The following NLGN1 variants were observed in gnomAD, a reference collection of about 807,000 sequenced individuals.
NLGN1 encodes neuroligin 1.
NLGN1 carries 12 observed loss-of-function variants against 65.5 expected under a neutral mutation model. The ratio of observed to expected loss-of-function variants is 0.18; its 90% confidence interval spans 0.12 to 0.30. The LOEUF is 0.30. Among genes scored for constraint, NLGN1 ranks in the 10% least tolerant of loss-of-function variants. The probability of loss-of-function intolerance (pLI) is 1.00; values close to 1 mark genes in which losing one functional copy is unlikely to be tolerated. For missense variants in NLGN1, 750 were observed against 1,007.1 expected (o/e 0.74, Z 3.46); for synonymous variants, 350 against 359.5 (o/e 0.97, Z 0.30).
At position 173,829,263 on chromosome 3, in the gene NLGN1, G is replaced by T. The variant is rs538445164; in HGVS notation, c.646+21431G>T. 7.2e-5 allele frequency among the ~76,000 whole-genome samples: 11 copies of T among 152,196 alleles called. No individual in the cohort carries two copies. In the East Asian group the frequency reaches 2.1e-3, roughly 29 times the overall value. ...CATCCAGTTAGGGTAGATTAAATTTGAAATGCCTATTAAGTATCAAACTGG... is the reference window on the plus strand; with the variant it reads ...CATCCAGTTAGGGTAGATTAAATTTTAAATGCCTATTAAGTATCAAACTGG... On this transcript the variant is annotated intron_variant, in intron 4 of 6. Coordinates refer to ENST00000457714, the Ensembl canonical transcript of NLGN1.
chr3:173,674,793 A>G (rs543467758), intron 3 of NLGN1, among the ~76,000 whole-genome samples: 71 of 152,210 alleles, frequency 4.7e-4, no homozygotes, highest in Non-Finnish European at 9.4e-4. Context: ...GAGAGAGCTT[A>G]GAGAGTCCCA....
intron 4 of NLGN1, among the ~76,000 whole-genome samples, chr3:173,935,392 A>G (rs1171811217): frequency 3.3e-5 from 5 of 152,014 alleles, no homozygotes; most frequent in Admixed American, 6.6e-5. Flanking sequence ...AATAAAGTCT[A>G]ATCTAAAACT....
At chr3:174,200,070 G>A (rs1295614945) in intron 4 of NLGN1, among the ~76,000 whole-genome samples, 2 of 152,136 alleles carry the variant, frequency 1.3e-5, no homozygotes, top group Non-Finnish European at 2.9e-5. Flanking sequence ...GTGGGATGCT[G>A]GGGTCTAATA....
intron 4 of NLGN1, among the ~76,000 whole-genome samples, chr3:174,054,574 T>C (rs1046264041): frequency 1.1e-4 from 16 of 152,134 alleles, no homozygotes; most frequent in Admixed American, 8.5e-4. Context: ...TTTCAAATTG[T>C]GTGGAAGAAT....
At chr3:173,691,894 A>T (rs936045226) in intron 3 of NLGN1, among the ~76,000 whole-genome samples, 5 of 152,154 alleles carry the variant, frequency 3.3e-5, no homozygotes, top group Non-Finnish European at 5.9e-5. Context: ...CTGAGAATAC[A>T]CATTAAATTC....
At position 174,028,083 on chromosome 3, in the gene NLGN1, G is replaced by A. The variant is rs114677977; in HGVS notation, c.646+220251G>A. On this transcript the variant is annotated intron_variant, in intron 4 of 6. Transcript: ENST00000457714. ...TCCTCATTCATCTTCTGTTATGATT[G>A]TGAGGTCTCCCCAGCCATGTTTAAC... Among the ~76,000 whole-genome samples the A allele has an allele frequency of 6.2e-3, 937 of 152,260 alleles. 12 individuals carry two copies. The highest frequency in any genetic ancestry group is 0.021 in the African/African-American group (879 of 41,548).
chr3:173,561,161 C>T (rs1742668693), intron 2 of NLGN1, among the ~76,000 whole-genome samples: 1 of 152,192 alleles, frequency 6.6e-6, no homozygotes, highest in South Asian at 2.1e-4. Context: ...CATTACTTGG[C>T]AGGAACTTCC....
chr3:174,064,957 T>TA (rs1290885931), intron 4 of NLGN1, among the ~76,000 whole-genome samples: 1 of 151,420 alleles, frequency 6.6e-6, no homozygotes, highest in Admixed American at 6.6e-5. Flanking sequence ...TATAAAACAT[T>TA]AAAAAATATC....
rs182519031 is a variant in NLGN1 at position 173,942,239 on chromosome 3, A to G, written c.646+134407A>G. On this transcript the variant is annotated intron_variant, in intron 4 of 6. Coordinates refer to ENST00000457714, the Ensembl canonical transcript of NLGN1. Reference sequence around the variant, plus strand: ...GTGAAGCACTGCCTATATTCTGGGCATCTTATAATAATTGCTGTACTGTTT... The same window carrying G: ...GTGAAGCACTGCCTATATTCTGGGCGTCTTATAATAATTGCTGTACTGTTT... Among the ~76,000 whole-genome samples the G allele has an allele frequency of 5.9e-5, 9 of 152,046 alleles. No individual in the cohort carries two copies. In the East Asian group the frequency reaches 1.5e-3, roughly 26 times the overall value.
chr3:173,729,865 A>G (rs903585975), intron 3 of NLGN1, among the ~76,000 whole-genome samples: 3 of 152,008 alleles, frequency 2.0e-5, no homozygotes, highest in Non-Finnish European at 4.4e-5. Flanking sequence ...CAATTTCCAT[A>G]TTCTGTCAAA....
intron 4 of NLGN1, among the ~76,000 whole-genome samples, chr3:174,086,776 A>G (rs1576798111): frequency 6.6e-6 from 1 of 152,100 alleles, no homozygotes; most frequent in African/African-American, 2.4e-5. Flanking sequence ...ATAATATGTA[A>G]CATTTATTTT....
intron 2 of NLGN1, among the ~76,000 whole-genome samples, chr3:173,553,175 A>C (rs1219080655): frequency 6.6e-6 from 1 of 152,134 alleles, no homozygotes; most frequent in Non-Finnish European, 1.5e-5. Flanking sequence ...TTCCCAAACT[A>C]TGGGATCACC....
At chr3:173,670,781 G>A (rs1236322395) in intron 3 of NLGN1, among the ~76,000 whole-genome samples, 2 of 152,110 alleles carry the variant, frequency 1.3e-5, no homozygotes, top group African/African-American at 2.4e-5. Context: ...AGCATAAAAC[G>A]ATGTTTATCA....
chr3:174,231,446 G>T (rs1018900852), intron 4 of NLGN1, among the ~76,000 whole-genome samples: 1 of 152,216 alleles, frequency 6.6e-6, no homozygotes, highest in Non-Finnish European at 1.5e-5. Flanking sequence ...AGTGGTTAAT[G>T]TACGGTCGCT....
chr3:173,813,268 C>T (rs568425951), intron 4 of NLGN1, among the ~76,000 whole-genome samples: 57 of 152,200 alleles, frequency 3.7e-4, no homozygotes, highest in African/African-American at 1.2e-3. Flanking sequence ...TTCTGTCTGA[C>T]TCTTTCAAAG....
At chr3:174,089,351 T>G (rs1456313318) in intron 4 of NLGN1, among the ~76,000 whole-genome samples, 3 of 152,198 alleles carry the variant, frequency 2.0e-5, no homozygotes, top group Non-Finnish European at 4.4e-5. Context: ...GCTAGCCTGT[T>G]CTTTATTACT....
intron 4 of NLGN1, among the ~76,000 whole-genome samples, chr3:174,089,141 A>G (rs1385426148): frequency 6.6e-6 from 1 of 152,204 alleles, no homozygotes; most frequent in East Asian, 1.9e-4. Flanking sequence ...AACTCAGTGT[A>G]TATTGTACTT....
intron 4 of NLGN1, among the ~76,000 whole-genome samples, chr3:173,878,643 T>C (rs950672353): frequency 6.7e-6 from 1 of 149,116 alleles, no homozygotes; most frequent in Non-Finnish European, 1.5e-5. Flanking sequence ...TATATACTTA[T>C]ATATGTGTAT....
At chr3:173,787,718 A>G (rs77559026) in intron 3 of NLGN1, among the ~76,000 whole-genome samples, 2,593 of 152,304 alleles carry the variant, frequency 0.017, 75 homozygotes, top group African/African-American at 0.059. Context: ...TACATTTTGA[A>G]GATCAAATAC....
Sources: allele counts gnomAD v4.1 joint callset (sites outside exome capture counted in the v4.1 genomes callset), GRCh38; gene constraint gnomAD v4.1.1; transcripts MANE v1.5; gene names NCBI Gene and HGNC (gene_info 2026-07-23, HGNC 2026-07-21).